SLC16A2: variants seen among roughly 807,000 people sequenced by gnomAD.
SLC16A2 encodes the protein solute carrier family 16 member 2.
A neutral mutation model predicts 27.2 loss-of-function variants in SLC16A2; 3 were observed. The observed-to-expected ratio is 0.11, with a 90% confidence interval of 0.05 to 0.28. SLC16A2 has a LOEUF of 0.28. Among genes scored for constraint, SLC16A2 ranks in the 10% least tolerant of loss-of-function variants. SLC16A2 has a pLI of 1.00. For synonymous variants in SLC16A2, 202 were observed against 187.8 expected, an observed-to-expected ratio of 1.08 and a Z score of -0.62; for missense variants, 295 against 458.5, an observed-to-expected ratio of 0.64 and a Z score of 3.26.
At chrX:74,440,502 T>C (rs1220797295) in intron 1 of SLC16A2, among the ~76,000 whole-genome samples, 1 of 104,882 alleles carries the variant, frequency 9.5e-6, no homozygotes, top group Non-Finnish European at 1.9e-5. Flanking sequence ...CTGGAGATTG[T>C]TTACTCTGAA....
chrX:74,530,853 G>A (rs770115239), intron 5 of SLC16A2, among the ~76,000 whole-genome samples: 43 of 111,739 alleles, frequency 3.8e-4, no homozygotes, highest in African/African-American at 1.4e-3. Context: ...ATATGTAACT[G>A]AAAGGAACAC....
At chrX:74,522,951 G>A (rs1418714208) in intron 2 of SLC16A2, among the ~76,000 whole-genome samples, 1 of 111,683 alleles carries the variant, frequency 9.0e-6, no homozygotes, top group Non-Finnish European at 1.9e-5. Flanking sequence ...ATGCAGGCAG[G>A]GCTGGTGGGG....
intron 1 of SLC16A2, among the ~76,000 whole-genome samples, chrX:74,428,467 A>C (rs747768102): frequency 9.0e-6 from 1 of 111,561 alleles, no homozygotes; most frequent in African/African-American, 3.3e-5. Context: ...CACGTTTGCT[A>C]TATGTGCCAT....
chrX:74,499,688 A>G (rs1222790229), intron 1 of SLC16A2, among the ~76,000 whole-genome samples: 1 of 111,277 alleles, frequency 9.0e-6, no homozygotes, highest in Non-Finnish European at 1.9e-5. Flanking sequence ...TCTGGGCCTC[A>G]AGTGATCTGC....
At chrX:74,496,043 T>A (rs1187407595) in intron 1 of SLC16A2, among the ~76,000 whole-genome samples, 1 of 110,916 alleles carries the variant, frequency 9.0e-6, no homozygotes, top group Non-Finnish European at 1.9e-5. Flanking sequence ...AACTGCCCGG[T>A]CTTCCAGATA....
intron 1 of SLC16A2, among the ~76,000 whole-genome samples, chrX:74,490,623 C>A (rs758673771): frequency 9.0e-6 from 1 of 111,371 alleles, no homozygotes; most frequent in Non-Finnish European, 1.9e-5. Context: ...AGGGCCACTG[C>A]ACATCATGGG....
intron 1 of SLC16A2, among the ~76,000 whole-genome samples, chrX:74,424,106 G>A (rs183135294): frequency 3.7e-5 from 4 of 107,493 alleles, no homozygotes; most frequent in African/African-American, 1.4e-4. Flanking sequence ...GGGGGTGGTG[G>A]TGGGGGTGCA....
chrX:74,509,943 T>G (rs967878776), intron 1 of SLC16A2, among the ~76,000 whole-genome samples: 10 of 112,395 alleles, frequency 8.9e-5, no homozygotes, highest in African/African-American at 3.2e-4. Context: ...TGGATCTTCA[T>G]CTGTCATTTT....
chrX:74,516,948 T>C (rs1930326133), intron 1 of SLC16A2, among the ~76,000 whole-genome samples: 1 of 111,981 alleles, frequency 8.9e-6, no homozygotes, highest in South Asian at 3.7e-4. Context: ...AAAGGCCACA[T>C]ACTGTATGAC....
At chrX:74,507,736 G>C (rs1344039193) in intron 1 of SLC16A2, among the ~76,000 whole-genome samples, 2 of 112,181 alleles carry the variant, frequency 1.8e-5, no homozygotes, top group African/African-American at 3.2e-5. Context: ...ATGAAATCAT[G>C]TCTTTTGCAG....
intron 1 of SLC16A2, among the ~76,000 whole-genome samples, chrX:74,509,014 G>A (rs1034151701): frequency 9.0e-6 from 1 of 111,159 alleles, no homozygotes. Flanking sequence ...CCAGGCTGGA[G>A]TGCAGTGGTG....
At chrX:74,520,910 GAGA>G in intron 1 of SLC16A2, 77 bp from the exon 2 acceptor site, 1 of 1,105,936 alleles carries the variant, frequency 9.0e-7, no homozygotes, top group Non-Finnish European at 1.2e-6. Context: ...TGAAAGGCCA[GAGA>G]AGAAGAGCTG....
chrX:74,458,452 G>T (rs1187541804), intron 1 of SLC16A2, among the ~76,000 whole-genome samples: 1 of 111,348 alleles, frequency 9.0e-6, no homozygotes, highest in African/African-American at 3.3e-5. Flanking sequence ...TGGTTCAAGC[G>T]ATTCTCCTGC....
chrX:74,513,001 G>A (rs944757218), intron 1 of SLC16A2, among the ~76,000 whole-genome samples: 1 of 111,495 alleles, frequency 9.0e-6, no homozygotes, highest in East Asian at 2.8e-4. Context: ...GGTAGGCCTT[G>A]TTACCGCTGA....
intron 1 of SLC16A2, among the ~76,000 whole-genome samples, chrX:74,500,158 C>G (rs1021218365): frequency 1.8e-5 from 2 of 110,763 alleles, no homozygotes; most frequent in Non-Finnish European, 3.8e-5. Context: ...TGTGCACATT[C>G]TCTATAAACT....
At position 74,531,761 on chromosome X, in the gene SLC16A2, C is replaced by A. The variant is rs935958895; in HGVS notation, c.*208C>A. On this transcript the variant is annotated 3_prime_UTR_variant, in exon 6 of 6. Transcript: ENST00000587091. ...CAGAATGCTTTTAAATTTTCCAGGG[C>A]CTTTCTCCTCCCAGGATCTGGGAAA... is the stretch of plus-strand genomic sequence containing the variant. 40 of 461,666 alleles carry A rather than the reference C, an allele frequency of 8.7e-5. No homozygotes were observed. The highest frequency in any genetic ancestry group is 5.9e-4 in the Admixed American group (19 of 32,041). The allele number at this position is 461,666 out of a possible 1,213,427, so 38.0% of individuals were successfully genotyped here.
At chrX:74,497,127 G>A (rs1929951994) in intron 1 of SLC16A2, among the ~76,000 whole-genome samples, 1 of 111,823 alleles carries the variant, frequency 8.9e-6, no homozygotes, top group African/African-American at 3.3e-5. Context: ...GGAGGTCTTG[G>A]GAAATGCAAC....
At chrX:74,444,005 G>A (rs1390919689) in intron 1 of SLC16A2, among the ~76,000 whole-genome samples, 2 of 111,393 alleles carry the variant, frequency 1.8e-5, no homozygotes, top group African/African-American at 6.5e-5. Context: ...GTGCATGTGT[G>A]TCTGGGGGCA....
chrX:74,449,602 T>C (rs1199637649), intron 1 of SLC16A2, among the ~76,000 whole-genome samples: 1 of 112,022 alleles, frequency 8.9e-6, no homozygotes. Context: ...CTTTTCCCAC[T>C]GGATGTGGGT....
Sources: gnomAD v4.1 joint callset for allele counts (sites outside exome capture counted in the v4.1 genomes callset) on GRCh38, gnomAD v4.1.1 for gene constraint, MANE v1.5 for transcripts, NCBI Gene and HGNC (gene_info 2026-07-23, HGNC 2026-07-21) for gene names.